Variants in ZNF644 observed in about 807,000 individuals in gnomAD.
ZNF644 encodes the protein zinc finger protein 644, also known as zinc finger motif enhancer binding protein 2.
ZNF644 carries 20 observed loss-of-function variants against 108.0 expected under a neutral mutation model. The observed-to-expected ratio is 0.19, with a 90% CI of 0.13 to 0.27. ZNF644 has a LOEUF of 0.27. ZNF644 is among the 10% of genes least tolerant of loss of function. The probability of loss-of-function intolerance (pLI) is 1.00; values close to 1 mark genes in which losing one functional copy is unlikely to be tolerated. For synonymous variants in ZNF644, 542 were observed against 539.1 expected (o/e 1.01, Z -0.08); for missense variants, 1,338 against 1,548.9 (o/e 0.86, Z 2.29).
chr1:90,974,639 T>C (rs1055905281), intron 2 of ZNF644, among the ~76,000 whole-genome samples: 1 of 152,114 alleles, frequency 6.6e-6, no homozygotes. Context: ...GCTGTGTAAA[T>C]CTCTCTCAAA....
At chr1:90,988,138 T>C (rs1052668579) in intron 1 of ZNF644, among the ~76,000 whole-genome samples, 10 of 152,106 alleles carry the variant, frequency 6.6e-5, no homozygotes, top group Non-Finnish European at 1.5e-5. Context: ...GATGTGACCT[T>C]ATATGCAGAA....
chr1:90,987,757 T>C (rs1657248258), intron 1 of ZNF644, among the ~76,000 whole-genome samples: 1 of 151,996 alleles, frequency 6.6e-6, no homozygotes, highest in Admixed American at 6.6e-5. Context: ...ATATCTGTGA[T>C]TAATACTGAT....
intron 4 of ZNF644, among the ~76,000 whole-genome samples, chr1:90,930,091 A>T (rs1347542945): frequency 6.6e-6 from 1 of 152,238 alleles, no homozygotes; most frequent in African/African-American, 2.4e-5. Context: ...GTTCGAGACC[A>T]GCCTGACCAA....
intron 1 of ZNF644, among the ~76,000 whole-genome samples, chr1:90,990,061 CA>C (rs1251947082): frequency 6.6e-6 from 1 of 152,114 alleles, no homozygotes; most frequent in Non-Finnish European, 1.5e-5. Flanking sequence ...TGAAATAAGC[CA>C]ATCACAAAGG....
intron 4 of ZNF644, among the ~76,000 whole-genome samples, chr1:90,921,460 GT>G (rs1257470557): frequency 6.6e-6 from 1 of 151,850 alleles, no homozygotes; most frequent in East Asian, 1.9e-4. Flanking sequence ...TCTTTACAAA[GT>G]ATTTTAAATC....
At chr1:90,996,945 C>T (rs111626682) in intron 1 of ZNF644, among the ~76,000 whole-genome samples, 4 of 152,262 alleles carry the variant, frequency 2.6e-5, no homozygotes, top group African/African-American at 9.6e-5. Context: ...TGACCTGACT[C>T]AGCACTTACC....
intron 1 of ZNF644, among the ~76,000 whole-genome samples, chr1:91,003,473 T>C (rs896265878): frequency 3.6e-4 from 54 of 151,956 alleles, no homozygotes; most frequent in African/African-American, 1.0e-3. Context: ...TAGGTGGGAA[T>C]TGAACAATGA....
chr1:90,961,065 G>A (rs574506868), intron 2 of ZNF644, among the ~76,000 whole-genome samples: 2 of 152,194 alleles, frequency 1.3e-5, no homozygotes, highest in African/African-American at 4.8e-5. Context: ...ATGAAGAAAT[G>A]AAGATGGAGG....
At chr1:90,978,347 T>C (rs1194478994) in intron 2 of ZNF644, among the ~76,000 whole-genome samples, 1 of 148,134 alleles carries the variant, frequency 6.8e-6, no homozygotes, top group African/African-American at 2.5e-5. Context: ...AGCAAAACTT[T>C]GTCTTAAAAA....
chr1:90,983,371 A>G (rs1656755806), intron 1 of ZNF644, among the ~76,000 whole-genome samples: 1 of 152,044 alleles, frequency 6.6e-6, no homozygotes, highest in African/African-American at 2.4e-5. Flanking sequence ...AATAAAAGTA[A>G]GAACATTAAA....
chr1:90,936,092 T>C (rs1651284978), intron 4 of ZNF644, among the ~76,000 whole-genome samples: 1 of 152,206 alleles, frequency 6.6e-6, no homozygotes, highest in South Asian at 2.1e-4. Flanking sequence ...TTACTCTGAA[T>C]GCGCAATCAA....
intron 1 of ZNF644, among the ~76,000 whole-genome samples, chr1:91,016,081 T>C (rs991824524): frequency 2.0e-5 from 3 of 152,332 alleles, no homozygotes; most frequent in East Asian, 3.9e-4. Context: ...TCTTTATATA[T>C]GCATAATTAC....
chr1:90,943,214 G>T (rs1394745053), intron 2 of ZNF644, among the ~76,000 whole-genome samples: 1 of 152,014 alleles, frequency 6.6e-6, no homozygotes, highest in Non-Finnish European at 1.5e-5. Flanking sequence ...GGCCGAGGCG[G>T]GTGGATTACA....
chr1:90,981,095 T>C (rs1372328741), intron 2 of ZNF644, among the ~76,000 whole-genome samples: 2 of 152,090 alleles, frequency 1.3e-5, no homozygotes, highest in Non-Finnish European at 2.9e-5. Context: ...ACAGACACTG[T>C]ATATTCAACT....
In ZNF644 at chr1:90,923,203, A is replaced by C. The variant is rs358697; in HGVS notation, c.3689-5049T>G. 1.0e-2 allele frequency among the ~76,000 whole-genome samples: 1,522 copies of C among 152,224 alleles called. 21 individuals carry two copies. The highest frequency in any genetic ancestry group is 0.034 in the African/African-American group (1,417 of 41,514). On this transcript the variant is annotated intron_variant, in intron 4 of 5. Coordinates refer to ENST00000337393, the MANE Select transcript of ZNF644 (RefSeq NM_201269.3). Reference sequence around the variant, plus strand: ...TTAATGCTCTACTGTTGCAGCCTTGAAACTATTAATTTTTGAACGAGGTCT... The same window carrying C: ...TTAATGCTCTACTGTTGCAGCCTTGCAACTATTAATTTTTGAACGAGGTCT...
rs917434927 is a variant in ZNF644 at position 91,005,688 on chromosome 1, G to T, written c.-18+16302C>A. On this transcript the variant is annotated intron_variant, in intron 1 of 5. Transcript: ENST00000337393. The stretch of plus-strand genomic sequence containing the variant: ...ACATCTATGTAACCAGTAAGCCAAA[G>T]AAATTGCATTGCAAATCAGAAAGTA... Among the ~76,000 whole-genome samples the T allele has an allele frequency of 9.2e-5, 14 of 152,112 alleles. No homozygotes were observed. The East Asian group carries it at 2.7e-3, about 29-fold the overall frequency.
At chr1:90,971,925 A>T (rs1655524747) in intron 2 of ZNF644, among the ~76,000 whole-genome samples, 1 of 152,086 alleles carries the variant, frequency 6.6e-6, no homozygotes, top group Admixed American at 6.6e-5. Context: ...TTATATTCTT[A>T]TATTATTCCG....
chr1:90,942,026 T>C (rs1354679118), intron 2 of ZNF644, among the ~76,000 whole-genome samples: 1 of 152,122 alleles, frequency 6.6e-6, no homozygotes, highest in Admixed American at 6.5e-5. Flanking sequence ...ATTTTAACTT[T>C]AGTAAAGTTA....
intron 1 of ZNF644, among the ~76,000 whole-genome samples, chr1:91,010,058 T>G (rs1436769225): frequency 6.6e-6 from 1 of 152,142 alleles, no homozygotes; most frequent in African/African-American, 2.4e-5. Flanking sequence ...GCTAATCATA[T>G]TTCTTCATGT....
Sources: gnomAD v4.1 joint callset for allele counts (sites outside exome capture counted in the v4.1 genomes callset) on GRCh38, gnomAD v4.1.1 for gene constraint, MANE v1.5 for transcripts, NCBI Gene and HGNC (gene_info 2026-07-23, HGNC 2026-07-21) for gene names.